The following TSPAN4 variants were observed in gnomAD, a reference collection of about 807,000 sequenced individuals.
The protein encoded by TSPAN4 is tetraspanin-4.
Under a neutral mutation model 31.5 loss-of-function variants are expected in TSPAN4, and 38 were observed. The observed-to-expected ratio is 1.21, with a 90% CI of 0.93 to 1.58. The LOEUF is 1.58. Among genes scored for constraint, TSPAN4 ranks in the 40% most tolerant of loss-of-function variants. The probability of loss-of-function intolerance (pLI) is 0.00; values close to 1 mark genes in which losing one functional copy is unlikely to be tolerated. For missense variants in TSPAN4, 330 were observed against 317.3 expected (o/e 1.04, Z -0.30); for synonymous variants, 186 against 144.6 (o/e 1.29, Z -2.06).
Position 866,736 on chromosome 11 carries a change from A to G in TSPAN4, c.*106A>G. On this transcript the variant is annotated 3_prime_UTR_variant, in exon 9 of 9. Coordinates refer to ENST00000397397, the MANE Select transcript of TSPAN4 (RefSeq NM_003271.5). ...CCTCGGTGCTCTGCCCCATGCTGGG[A>G]GGAGGGAGGGAGGGACAGGTGCCTG... 8.6e-7 allele frequency: 1 copy of G among 1,165,670 alleles called. No homozygotes were observed. Among genetic ancestry groups the G allele is most frequent in the South Asian group, 1.6e-5 (1 of 63,812 alleles). The allele number at this position is 1,165,670 out of a possible 1,614,324, so 72.2% of individuals were successfully genotyped here. A position where few individuals can be genotyped will look rare whatever the true frequency, so the allele number is the denominator to read the frequency against.
chr11:859,948 G>C (rs946572461), intron 3 of TSPAN4, among the ~76,000 whole-genome samples: 2 of 152,114 alleles, frequency 1.3e-5, no homozygotes, highest in Admixed American at 6.5e-5. Flanking sequence ...AGAGCACAGG[G>C]GTGACCCCTC....
At position 865,968 on chromosome 11, in the gene TSPAN4, G is replaced by C; in HGVS notation, c.615G>C (p.Val205=). 6.2e-7 allele frequency: 1 copy of C among 1,612,452 alleles called. No individual in the cohort carries two copies. The highest frequency in any genetic ancestry group is 8.5e-7 in the Non-Finnish European group (1 of 1,179,988). Reference sequence around the variant, plus strand: ...GGCTTCAGGAGAACCTGCTGGCTGTGGGCATCTTTGGGCTGTGCACGGCGC... The same window carrying C: ...GGCTTCAGGAGAACCTGCTGGCTGTCGGCATCTTTGGGCTGTGCACGGCGC... The part of the protein sequence containing the change: ...KVWLQENLLA[V]GIFGLCTALV... The change falls in exon 8 of 9, where the codon GTG becomes GTC. Residue 205 remains valine (V), a synonymous_variant. Transcript: ENST00000397397.
At chr11:860,732 G>C (rs1848408833) in intron 3 of TSPAN4, among the ~76,000 whole-genome samples, 1 of 152,176 alleles carries the variant, frequency 6.6e-6, no homozygotes, top group Non-Finnish European at 1.5e-5. Flanking sequence ...AGTCCCCCGG[G>C]AACCCCCAGA....
intron 4 of TSPAN4, chr11:863,349 G>T (rs1848583091): frequency 6.6e-6 from 1 of 152,324 alleles, no homozygotes; most frequent in African/African-American, 2.4e-5. Flanking sequence ...GCCCTGCGGA[G>T]GGTGTGCAGC....
At chr11:845,249 C>T (rs566723268) in intron 1 of TSPAN4, among the ~76,000 whole-genome samples, 18 of 152,200 alleles carry the variant, frequency 1.2e-4, no homozygotes, top group African/African-American at 3.9e-4. Flanking sequence ...TGGGTGCACA[C>T]GGCGCCACGA....
At chr11:846,821 C>T (rs1008357591) in intron 1 of TSPAN4, among the ~76,000 whole-genome samples, 6 of 152,162 alleles carry the variant, frequency 3.9e-5, no homozygotes, top group Non-Finnish European at 7.3e-5. Flanking sequence ...GGCACTGCTG[C>T]GTGTCTGTGT....
At chr11:864,729 C>A in intron 5 of TSPAN4, 1 of 615,386 alleles carries the variant, frequency 1.6e-6, no homozygotes, top group Admixed American at 2.9e-5. Flanking sequence ...AAGGGCACTG[C>A]TACCCCACCC....
intron 3 of TSPAN4, 153 bp from the exon 4 acceptor site, chr11:862,397 G>T: frequency 1.5e-6 from 1 of 662,746 alleles, no homozygotes. Context: ...ACACCCCCCC[G>T]GGCTGCCGTG....
Position 842,895 on chromosome 11 carries a change from G to C in TSPAN4, c.-138G>C, listed in dbSNP as rs1035868239. On this transcript the variant is annotated 5_prime_UTR_variant, in exon 1 of 9. Transcript: ENST00000397397. ...GCTGCGCGGCGGGAGCGGGCGGCGCGAGCGGGAGGCGGCGGCGCAGGTACT... is the reference window on the plus strand; with the variant it reads ...GCTGCGCGGCGGGAGCGGGCGGCGCCAGCGGGAGGCGGCGGCGCAGGTACT... 6.1e-6 allele frequency: 1 copy of C among 164,844 alleles called. No individual in the cohort carries two copies. Among genetic ancestry groups the C allele is most frequent in the Non-Finnish European group, 1.3e-5 (1 of 76,376 alleles). 10.2% of individuals were successfully genotyped at this position (164,844 alleles called of 1,614,324 possible). A position where few individuals can be genotyped will look rare whatever the true frequency, so the allele number is the denominator to read the frequency against.
Position 864,455 on chromosome 11 carries a change from C to G in TSPAN4, c.274C>G (p.Leu92Val), listed in dbSNP as rs1848649838. 6.2e-7 allele frequency: 1 copy of G among 1,612,508 alleles called. No homozygotes were observed. The highest frequency in any genetic ancestry group is 2.2e-5 in the East Asian group (1 of 44,876). Residue 92 changes from leucine (L) to valine (V), a missense_variant, in exon 5 of 9, where the codon CTG becomes GTG. Physicochemically the swap from Leu to Val is conservative, Grantham distance 32. Coordinates refer to ENST00000397397, the MANE Select transcript of TSPAN4 (RefSeq NM_003271.5). ...TCCACAGTTCTTCCTGCTGCTGCTGCTGGTGTTCCTGCTGGAGGCCACCAT... is the reference window on the plus strand; with the variant it reads ...TCCACAGTTCTTCCTGCTGCTGCTGGTGGTGTTCCTGCTGGAGGCCACCAT... Reference protein sequence around the residue: ...LLLTFFLLLLLVFLLEATIAI... With the variant: ...LLLTFFLLLLVVFLLEATIAI...
intron 3 of TSPAN4, among the ~76,000 whole-genome samples, chr11:852,642 C>T (rs1847818643): frequency 6.6e-6 from 1 of 152,206 alleles, no homozygotes; most frequent in African/African-American, 2.4e-5. Flanking sequence ...AAGCCCTCTC[C>T]TCCTGGCGTG....
chr11:856,558 G>C (rs1041098844), intron 3 of TSPAN4, among the ~76,000 whole-genome samples: 1 of 152,244 alleles, frequency 6.6e-6, no homozygotes, highest in Non-Finnish European at 1.5e-5. Flanking sequence ...CTGGCCTGCG[G>C]CGGGGCAGCA....
chr11:862,400 C>A, intron 3 of TSPAN4, 150 bp from the exon 4 acceptor site: 1 of 680,142 alleles, frequency 1.5e-6, no homozygotes, highest in Non-Finnish European at 2.4e-6. Flanking sequence ...CCCCCCCGGG[C>A]TGCCGTGGGA....
At position 864,775 on chromosome 11, in the gene TSPAN4, C is replaced by T. The variant is rs188765624; in HGVS notation, c.330+264C>T. On this transcript the variant is annotated intron_variant, in intron 5 of 8. Coordinates refer to ENST00000397397, the MANE Select transcript of TSPAN4 (RefSeq NM_003271.5). ...CCCCAGGTTGTCCCCCGCCCTCTGA[C>T]GCAGCGTCCTGAGCCGTCTGCTCCC... 1.9e-4 allele frequency: 109 copies of T among 565,154 alleles called. 1 individual carries two copies. The highest frequency in any genetic ancestry group is 1.0e-3 in the South Asian group (51 of 49,046). 35.0% of individuals were successfully genotyped at this position (565,154 alleles called of 1,614,324 possible). A position where few individuals can be genotyped will look rare whatever the true frequency, so the allele number is the denominator to read the frequency against.
intron 3 of TSPAN4, among the ~76,000 whole-genome samples, chr11:855,988 C>T (rs927068095): frequency 2.0e-5 from 3 of 152,192 alleles, no homozygotes; most frequent in African/African-American, 4.8e-5. Flanking sequence ...CCCGTGGGCC[C>T]GGAGGGAGCA....
intron 3 of TSPAN4, among the ~76,000 whole-genome samples, chr11:854,494 C>T (rs1036373351): frequency 1.2e-5 from 1 of 82,454 alleles, no homozygotes; most frequent in Non-Finnish European, 3.3e-5. Flanking sequence ...AGTTCCCCAC[C>T]ACCTGCGCTG....
chr11:866,682 G>A lies in TSPAN4; in HGVS notation c.*52G>A, dbSNP rs576676941. On this transcript the variant is annotated 3_prime_UTR_variant, in exon 9 of 9. Coordinates refer to ENST00000397397, the MANE Select transcript of TSPAN4 (RefSeq NM_003271.5). ...AAAGGACGCCCACGGGGAGATGGCC[G>A]CACCCACAGCTGCCTTTCCCACCAC... 25 of 1,531,298 alleles carry A rather than the reference G, an allele frequency of 1.6e-5. No homozygotes were observed. In the Admixed American group the frequency reaches 2.1e-4, roughly 13 times the overall value. 94.9% of individuals were successfully genotyped at this position (1,531,298 alleles called of 1,614,324 possible). A position where few individuals can be genotyped will look rare whatever the true frequency, so the allele number is the denominator to read the frequency against.
At chr11:847,548 G>A (rs1204665206) in intron 2 of TSPAN4, among the ~76,000 whole-genome samples, 2 of 152,080 alleles carry the variant, frequency 1.3e-5, no homozygotes, top group African/African-American at 2.4e-5. Flanking sequence ...CCCTGACTGC[G>A]TCTGGGCAAC....
intron 3 of TSPAN4, among the ~76,000 whole-genome samples, chr11:861,796 T>A (rs1377976622): frequency 6.6e-6 from 1 of 151,748 alleles, no homozygotes; most frequent in African/African-American, 2.4e-5. Flanking sequence ...GGGGCATGCC[T>A]GTAATCCCAG....
Sources: allele counts gnomAD v4.1 joint callset (sites outside exome capture counted in the v4.1 genomes callset), GRCh38; gene constraint gnomAD v4.1.1; transcripts MANE v1.5; gene names NCBI Gene and HGNC (gene_info 2026-07-23, HGNC 2026-07-21).